Variants in ANK3 observed in about 807,000 individuals in gnomAD.
The protein encoded by ANK3 is ankyrin 3, also known as ankyrin-3.
ANK3 carries 57 observed loss-of-function variants against 370.9 expected under a neutral mutation model. That is an observed-to-expected ratio of 0.15 (90% CI 0.12 to 0.19). The LOEUF is 0.19. ANK3 is among the 10% of genes least tolerant of loss of function. ANK3 has a pLI of 1.00. For synonymous variants in ANK3, 1,929 were observed against 1,946.3 expected (o/e 0.99, Z 0.23); for missense variants, 4,439 against 5,302.1 (o/e 0.84, Z 5.06).
intron 28 of ANK3, among the ~76,000 whole-genome samples, chr10:60,098,096 T>C (rs1198463231): frequency 6.6e-6 from 1 of 152,170 alleles, no homozygotes; most frequent in African/African-American, 2.4e-5. Flanking sequence ...CTGAGCCATA[T>C]GTTCCTCATC....
chr10:60,034,004 G>A (rs909186418), intron 43 of ANK3, among the ~76,000 whole-genome samples: 1 of 146,518 alleles, frequency 6.8e-6, no homozygotes, highest in Non-Finnish European at 1.5e-5. Context: ...GCTTCTCAAA[G>A]TTTAATCTGC....
intron 17 of ANK3, among the ~76,000 whole-genome samples, chr10:60,185,586 C>T (rs904200808): frequency 1.1e-4 from 17 of 152,170 alleles, no homozygotes; most frequent in African/African-American, 3.9e-4. Context: ...AAGACTATTG[C>T]TATTTTGCAA....
At chr10:60,420,291 C>A (rs1262099006) in intron 2 of ANK3, among the ~76,000 whole-genome samples, 5 of 152,080 alleles carry the variant, frequency 3.3e-5, no homozygotes, top group Non-Finnish European at 7.4e-5. Flanking sequence ...GCTCCCAAAT[C>A]GCTTGTACTA....
rs368367870 is a variant in ANK3, at chr10:60,263,883, G to A, written c.651C>T (p.Ala217=). 2.4e-5 allele frequency: 38 copies of A among 1,613,988 alleles called. No homozygotes were observed. The highest frequency in any genetic ancestry group is 2.7e-5 in the African/African-American group (2 of 74,894). Residue 217 remains alanine, a synonymous_variant, in exon 6 of 44, where the codon GCC becomes GCT. Coordinates refer to ENST00000280772, the MANE Select transcript of ANK3 (RefSeq NM_020987.5). ...HIAARKDDTK[A]AALLLQNDNN... ...TGTCATTCTGCAGCAGCAGGGCGGCGGCTTTCGTGTCGTCTTTTCGGGCCG... is the reference window on the plus strand; with the variant it reads ...TGTCATTCTGCAGCAGCAGGGCGGCAGCTTTCGTGTCGTCTTTTCGGGCCG...
At chr10:60,331,963 T>C (rs1425818041) in intron 1 of ANK3, among the ~76,000 whole-genome samples, 2 of 148,202 alleles carry the variant, frequency 1.3e-5, no homozygotes, top group Non-Finnish European at 3.0e-5. Context: ...CATCTTTTTT[T>C]CTTTTTTTTT....
chr10:60,476,748 A>C (rs1260212769), intron 2 of ANK3, among the ~76,000 whole-genome samples: 1 of 152,218 alleles, frequency 6.6e-6, no homozygotes, highest in Non-Finnish European at 1.5e-5. Context: ...GTTATTTCAT[A>C]GACTGTATCA....
At chr10:60,595,493 G>A (rs376052337) in intron 2 of ANK3, among the ~76,000 whole-genome samples, 2 of 152,116 alleles carry the variant, frequency 1.3e-5, no homozygotes, top group East Asian at 1.9e-4. Flanking sequence ...GCACCAGTTG[G>A]TCTATCAGAA....
chr10:60,627,194 A>G (rs962973122), intron 1 of ANK3, among the ~76,000 whole-genome samples: 1 of 152,144 alleles, frequency 6.6e-6, no homozygotes, highest in Non-Finnish European at 1.5e-5. Context: ...TAAACATACA[A>G]CACTAAATTC....
At position 60,073,413 on chromosome 10, in the gene ANK3, G is replaced by T; in HGVS notation, c.7468C>A (p.Pro2490Thr). ...TEESVTDHAG[P>T]PSSELQGSDK... is the part of the protein sequence containing the mutation. ...GACCCCTGTAACTCTGAGCTAGGGG[G>T]TCCTGCATGGTCTGTAACCGATTCC... Residue 2490 changes from proline (P) to threonine (T), a missense_variant, in exon 37 of 44, where the codon CCC becomes ACC. By Grantham distance (38) the Pro-to-Thr change is conservative (BLOSUM62 -1). Around this residue, in one of 13 missense-constraint regions of ANK3, gnomAD observed 1,601 missense variants for 1,731.7 expected, o/e 0.92. Transcript: ENST00000280772. 1 of 1,613,742 alleles carries T rather than the reference G, an allele frequency of 6.2e-7. No homozygotes were observed. The highest frequency in any genetic ancestry group is 2.2e-5 in the East Asian group (1 of 44,868).
At chr10:60,684,351 G>A (rs1351619706) in intron 1 of ANK3, among the ~76,000 whole-genome samples, 3 of 152,208 alleles carry the variant, frequency 2.0e-5, no homozygotes, top group Admixed American at 1.3e-4. Flanking sequence ...CAGCGAACAG[G>A]TATCAGCACA....
At chr10:60,664,474 C>T (rs1469344069) in intron 1 of ANK3, among the ~76,000 whole-genome samples, 3 of 152,092 alleles carry the variant, frequency 2.0e-5, no homozygotes, top group East Asian at 1.9e-4. Context: ...AGTTGAGAAT[C>T]GGTCACCTTG....
At chr10:60,246,326 CCT>C (rs1482064852) in intron 7 of ANK3, among the ~76,000 whole-genome samples, 1 of 138,592 alleles carries the variant, frequency 7.2e-6, no homozygotes, top group African/African-American at 2.7e-5. Flanking sequence ...TTTTTTTTTT[CCT>C]CTTTCTTCAT....
chr10:60,044,465 T>C, intron 42 of ANK3: 2 of 432,876 alleles, frequency 4.6e-6, no homozygotes, highest in Non-Finnish European at 6.1e-6. Context: ...TTCTACTTGC[T>C]ACTCCAGTGC....
chr10:60,387,499 T>A lies in ANK3; in HGVS notation c.114+1926A>T, dbSNP rs556100925. ...GAATATTATATCTTCTGTAATACAC[T>A]GTATCTTACAGAATATACCTATTTT... On this transcript the variant is annotated intron_variant, in intron 1 of 43. Transcript: ENST00000280772. Among the ~76,000 whole-genome samples, 7 of 152,336 alleles carry A rather than the reference T, an allele frequency of 4.6e-5. No homozygotes were observed. The South Asian group carries it at 6.2e-4, about 14-fold the overall frequency.
At chr10:60,723,146 T>A (rs971280189) in intron 1 of ANK3, among the ~76,000 whole-genome samples, 2 of 152,214 alleles carry the variant, frequency 1.3e-5, no homozygotes, top group Admixed American at 1.3e-4. Context: ...TACAATTTGA[T>A]CCTTATGACT....
At chr10:60,140,662 A>G in intron 23 of ANK3, 1 of 1,325,408 alleles carries the variant, frequency 7.5e-7, no homozygotes, top group Non-Finnish European at 9.6e-7. Context: ...CTTCGCAGAC[A>G]TCCTTTTAAA....
chr10:60,277,990 T>G (rs2098115071), intron 4 of ANK3, among the ~76,000 whole-genome samples: 1 of 152,206 alleles, frequency 6.6e-6, no homozygotes, highest in Non-Finnish European at 1.5e-5. Context: ...AATACTTGAA[T>G]AATGAGGACC....
intron 1 of ANK3, among the ~76,000 whole-genome samples, chr10:60,643,818 T>G (rs931843015): frequency 6.6e-6 from 1 of 152,166 alleles, no homozygotes; most frequent in Non-Finnish European, 1.5e-5. Context: ...CATGTTTATC[T>G]GAGGGACTTG....
chr10:60,611,353 A>C (rs904028152), intron 2 of ANK3, among the ~76,000 whole-genome samples: 15 of 152,150 alleles, frequency 9.9e-5, no homozygotes, highest in African/African-American at 3.6e-4. Context: ...AATAAATGCC[A>C]GAGGATGCAG....
Sources: gnomAD v4.1 joint callset for allele counts (sites outside exome capture counted in the v4.1 genomes callset) on GRCh38, gnomAD v4.1.1 for gene constraint, gnomAD v4.1.1 regional missense constraint, MANE v1.5 for transcripts, NCBI Gene and HGNC (gene_info 2026-07-23, HGNC 2026-07-21) for gene names.